NUP93: variants seen among roughly 807,000 people sequenced by gnomAD.
The protein encoded by NUP93 is nucleoporin 93, also known as nuclear pore complex protein Nup93.
Under a neutral mutation model 107.8 loss-of-function variants are expected in NUP93, and 55 were observed. The ratio of observed to expected loss-of-function variants is 0.51; its 90% CI spans 0.41 to 0.64. The LOEUF (loss-of-function observed/expected upper bound fraction) is 0.64, where lower values mean the gene tolerates loss of function less well. NUP93 is among the 30% of genes least tolerant of loss of function. The pLI is 0.00. For missense variants in NUP93, 937 were observed against 1,044.7 expected, an observed-to-expected ratio of 0.90 and a Z score of 1.42; for synonymous variants, 390 against 397.5, an observed-to-expected ratio of 0.98 and a Z score of 0.22.
At chr16:56,786,029 A>T (rs1180226542) in intron 3 of NUP93, among the ~76,000 whole-genome samples, 1 of 152,174 alleles carries the variant, frequency 6.6e-6, no homozygotes, top group Non-Finnish European at 1.5e-5. Context: ...GTGAAGTAGC[A>T]TTCCTACGAA....
chr16:56,798,971 A>T (rs1293517566), intron 4 of NUP93, among the ~76,000 whole-genome samples: 1 of 152,050 alleles, frequency 6.6e-6, no homozygotes, highest in Non-Finnish European at 1.5e-5. Context: ...TCTCCTACAG[A>T]GAGAGTTCTA....
At chr16:56,775,667 G>C (rs1473458283) in intron 3 of NUP93, among the ~76,000 whole-genome samples, 1 of 152,220 alleles carries the variant, frequency 6.6e-6, no homozygotes, top group Non-Finnish European at 1.5e-5. Flanking sequence ...CTGATGGAGA[G>C]AACAGTGTGG....
At chr16:56,822,075 G>T in intron 7 of NUP93, among the ~76,000 whole-genome samples, 1 of 145,076 alleles carries the variant, frequency 6.9e-6, no homozygotes. Flanking sequence ...CTTTATTCCT[G>T]GCCAGTTTTC....
intron 3 of NUP93, among the ~76,000 whole-genome samples, chr16:56,794,054 C>CTAGATAGA (rs532631040): frequency 1.2e-4 from 18 of 144,896 alleles, no homozygotes; most frequent in Middle Eastern, 3.4e-3. Flanking sequence ...GACTCCATCT[C>CTAGATAGA]TAGATAGATA....
At chr16:56,752,879 G>A (rs1386310945) in intron 2 of NUP93, among the ~76,000 whole-genome samples, 1 of 152,018 alleles carries the variant, frequency 6.6e-6, no homozygotes, top group African/African-American at 2.4e-5. Context: ...TTTCAACAAG[G>A]GTACCTAGAC....
intron 3 of NUP93, 78 bp from the exon 4 acceptor site, chr16:56,798,398 G>T: frequency 2.5e-6 from 3 of 1,204,226 alleles, no homozygotes; most frequent in Non-Finnish European, 3.7e-6. Flanking sequence ...TACCATTATG[G>T]TTATTGTTTG....
chr16:56,810,860 T>C (rs537411350), intron 5 of NUP93, among the ~76,000 whole-genome samples: 1 of 152,274 alleles, frequency 6.6e-6, no homozygotes, highest in Admixed American at 6.5e-5. Context: ...ATATCATAAA[T>C]TAATTTTGCC....
chr16:56,757,395 G>A (rs1304409812), intron 2 of NUP93, among the ~76,000 whole-genome samples: 2 of 151,986 alleles, frequency 1.3e-5, no homozygotes, highest in Admixed American at 6.5e-5. Context: ...CAGGAGGATC[G>A]CTTGGCCAGG....
chr16:56,742,424 T>C (rs1425058606), intron 1 of NUP93, among the ~76,000 whole-genome samples: 1 of 152,210 alleles, frequency 6.6e-6, no homozygotes, highest in East Asian at 1.9e-4. Context: ...GAGAAAAATA[T>C]TTTATAACCA....
intron 5 of NUP93, among the ~76,000 whole-genome samples, chr16:56,808,767 TATATATAAATAC>T (rs1963244466): frequency 7.0e-6 from 1 of 142,446 alleles, no homozygotes; most frequent in Non-Finnish European, 1.5e-5. Flanking sequence ...TAAAAATACA[TATATATAAATAC>T]ATATATAAAT....
intron 6 of NUP93, among the ~76,000 whole-genome samples, chr16:56,820,124 GTCATT>G (rs1160413241): frequency 6.6e-6 from 1 of 152,180 alleles, no homozygotes; most frequent in Non-Finnish European, 1.5e-5. Flanking sequence ...GACTAAAGAT[GTCATT>G]AAACTAACAT....
intron 4 of NUP93, among the ~76,000 whole-genome samples, chr16:56,804,516 A>C (rs1422729757): frequency 6.6e-6 from 1 of 152,236 alleles, no homozygotes; most frequent in Non-Finnish European, 1.5e-5. Context: ...AAATTCACAG[A>C]AACAAAGTAG....
intron 1 of NUP93, among the ~76,000 whole-genome samples, chr16:56,736,721 C>T (rs374685626): frequency 4.6e-5 from 7 of 152,246 alleles, no homozygotes; most frequent in African/African-American, 7.2e-5. Flanking sequence ...TGGAAACTCA[C>T]GGTTGGAGTT....
intron 20 of NUP93, among the ~76,000 whole-genome samples, chr16:56,840,189 T>C (rs1223921704): frequency 1.3e-5 from 2 of 152,022 alleles, no homozygotes; most frequent in African/African-American, 2.4e-5. Flanking sequence ...CCCAGCTAAT[T>C]TTTTGTATAT....
chr16:56,776,133 G>A (rs1414924616), intron 3 of NUP93, among the ~76,000 whole-genome samples: 1 of 150,850 alleles, frequency 6.6e-6, no homozygotes, highest in Admixed American at 6.6e-5. Flanking sequence ...AGAATTTTGC[G>A]TTTAAGTTTT....
chr16:56,823,975 C>T, intron 8 of NUP93, 129 bp downstream of exon 8: 4 of 1,202,646 alleles, frequency 3.3e-6, no homozygotes, highest in Non-Finnish European at 4.5e-6. Flanking sequence ...TTAAATTGAA[C>T]AAGGTTCAGA....
intron 5 of NUP93, among the ~76,000 whole-genome samples, chr16:56,807,198 G>T (rs958408942): frequency 6.6e-6 from 1 of 152,158 alleles, no homozygotes; most frequent in Non-Finnish European, 1.5e-5. Flanking sequence ...CCCTGCTTCT[G>T]CCTCCAGTCC....
intron 3 of NUP93, among the ~76,000 whole-genome samples, chr16:56,788,964 A>AT (rs1183977681): frequency 5.7e-4 from 85 of 150,316 alleles, no homozygotes; most frequent in African/African-American, 1.9e-3. Flanking sequence ...AATTTATTTT[A>AT]TTTTTTTTTA....
chr16:56,779,173 C>A (rs558045005), intron 3 of NUP93, among the ~76,000 whole-genome samples: 1 of 152,332 alleles, frequency 6.6e-6, no homozygotes, highest in African/African-American at 2.4e-5. Flanking sequence ...CACCAAGTAT[C>A]TGTAAAAGTT....
Sources: gnomAD v4.1 joint callset for allele counts (sites outside exome capture counted in the v4.1 genomes callset) on GRCh38, gnomAD v4.1.1 for gene constraint, MANE v1.5 for transcripts, NCBI Gene and HGNC (gene_info 2026-07-23, HGNC 2026-07-21) for gene names.